The following ATP2B2 variants were observed in gnomAD, a reference collection of about 807,000 sequenced individuals.
ATP2B2 encodes plasma membrane calcium-transporting ATPase 2.
In ATP2B2, 15 loss-of-function variants were observed where a neutral mutation model predicts 120.0. That is an observed-to-expected ratio of 0.12 (90% CI 0.08 to 0.19). ATP2B2 has a LOEUF of 0.19. Ranked by LOEUF, ATP2B2 falls within the 10% of genes least tolerant of loss-of-function variation. ATP2B2 has a pLI of 1.00. For synonymous variants in ATP2B2, 694 were observed against 700.3 expected (o/e 0.99, Z 0.14); for missense variants, 1,045 against 1,719.8 (o/e 0.61, Z 6.94).
chr3:10,657,184 C>T (rs1446693082), intron 1 of ATP2B2, among the ~76,000 whole-genome samples: 1 of 152,178 alleles, frequency 6.6e-6, no homozygotes, highest in African/African-American at 2.4e-5. Flanking sequence ...GGGAAGCAGT[C>T]AGGAGAAATA....
chr3:10,435,109 C>T (rs866211478), intron 2 of ATP2B2, among the ~76,000 whole-genome samples: 19 of 152,192 alleles, frequency 1.2e-4, no homozygotes, highest in African/African-American at 4.1e-4. Context: ...TGGGCGAGTC[C>T]GTCAACCCCT....
intron 2 of ATP2B2, among the ~76,000 whole-genome samples, chr3:10,436,755 G>C (rs17032886): frequency 6.6e-6 from 1 of 152,078 alleles, no homozygotes; most frequent in Admixed American, 6.5e-5. Context: ...TACGACCGAC[G>C]TGCCTTAGTG....
Position 10,596,665 on chromosome 3 carries a change from C to G in ATP2B2, c.-415+23252G>C, listed in dbSNP as rs17033186. Among the ~76,000 whole-genome samples, 956 of 152,344 alleles carry G rather than the reference C, an allele frequency of 6.3e-3. 10 individuals are homozygous for G. Among genetic ancestry groups the G allele is most frequent in the African/African-American group, 0.022 (911 of 41,576 alleles). On this transcript the variant is annotated intron_variant, in intron 2 of 21. Coordinates refer to the ATP2B2 transcript ENST00000646379. ...AAAGTCCCAGACAGGATTGTGAATT[C>G]CTTGGCGTTTGCTCCTCCCTGGCTT...
chr3:10,483,631 C>T (rs923015284), intron 1 of ATP2B2, among the ~76,000 whole-genome samples: 1 of 152,214 alleles, frequency 6.6e-6, no homozygotes, highest in African/African-American at 2.4e-5. Flanking sequence ...ATCTCAGCTG[C>T]TCTGTCCCCT....
intron 11 of ATP2B2, 109 bp from the exon 12 acceptor site, chr3:10,372,160 G>A: frequency 6.8e-6 from 10 of 1,477,420 alleles, no homozygotes; most frequent in Non-Finnish European, 9.4e-6. Context: ...AGCCACCACA[G>A]CCTGCCCCTT....
chr3:10,597,470 TAGG>T (rs1229083375), intron 2 of ATP2B2, among the ~76,000 whole-genome samples: 1 of 152,120 alleles, frequency 6.6e-6, no homozygotes, highest in East Asian at 1.9e-4. Context: ...GCAGGGAAGT[TAGG>T]AGGAGCCCCT....
rs1453645019 is a variant in ATP2B2 at position 10,328,086 on chromosome 3, C to T, written c.*728G>A. On this transcript the variant is annotated 3_prime_UTR_variant, in exon 23 of 23. Transcript: ENST00000360273. ...TTTAAGCGGAAACAAGGCAACATGC[C>T]GGCAAAGAAACTTTATATATCCATG... The T allele has an allele frequency of 1.3e-5, 2 of 150,376 alleles. No homozygotes were observed. The highest frequency in any genetic ancestry group is 1.9e-4 in the East Asian group (1 of 5,160). 9.3% of individuals were successfully genotyped at this position (150,376 alleles called of 1,614,324 possible).
intron 1 of ATP2B2, among the ~76,000 whole-genome samples, chr3:10,450,830 AC>A (rs1463461350): frequency 6.6e-6 from 1 of 151,846 alleles, no homozygotes; most frequent in African/African-American, 2.4e-5. Context: ...AATCCAATCC[AC>A]CCCGACACCC....
intron 2 of ATP2B2, among the ~76,000 whole-genome samples, chr3:10,559,262 G>A (rs913952953): frequency 7.2e-5 from 11 of 152,188 alleles, no homozygotes; most frequent in African/African-American, 2.4e-4. Flanking sequence ...TGTAGTGGGC[G>A]GGGAGGATGG....
At chr3:10,403,146 G>A (rs909419892) in intron 3 of ATP2B2, among the ~76,000 whole-genome samples, 18 of 152,144 alleles carry the variant, frequency 1.2e-4, no homozygotes, top group Admixed American at 6.5e-4. Context: ...TGCAAAATAG[G>A]GATCACTGAG....
chr3:10,589,786 T>A (rs2068598643), intron 2 of ATP2B2, among the ~76,000 whole-genome samples: 1 of 152,146 alleles, frequency 6.6e-6, no homozygotes, highest in Non-Finnish European at 1.5e-5. Flanking sequence ...CAATCCCAAG[T>A]GTGGGTGAGG....
At chr3:10,479,940 C>T (rs546495891) in intron 1 of ATP2B2, among the ~76,000 whole-genome samples, 1 of 152,222 alleles carries the variant, frequency 6.6e-6, no homozygotes, top group South Asian at 2.1e-4. Flanking sequence ...ACAAAAATTA[C>T]AAAAATTAGC....
intron 2 of ATP2B2, among the ~76,000 whole-genome samples, chr3:10,613,893 T>C (rs923381564): frequency 3.3e-5 from 5 of 152,106 alleles, no homozygotes; most frequent in Admixed American, 2.0e-4. Context: ...CTCCCTCCCC[T>C]GTGCTGTCCT....
intron 1 of ATP2B2, among the ~76,000 whole-genome samples, chr3:10,492,739 G>A (rs1031259281): frequency 1.3e-4 from 20 of 152,138 alleles, no homozygotes; most frequent in African/African-American, 3.1e-4. Context: ...GGATCAAGGC[G>A]GGGGTTTCTA....
At chr3:10,437,534 C>T (rs114857326) in intron 2 of ATP2B2, among the ~76,000 whole-genome samples, 1,792 of 152,314 alleles carry the variant, frequency 0.012, 37 homozygotes, top group African/African-American at 0.042. Flanking sequence ...CACTTCTTAA[C>T]GCCCACTGAG....
intron 2 of ATP2B2, among the ~76,000 whole-genome samples, chr3:10,549,838 T>C (rs764652955): frequency 6.6e-6 from 1 of 151,980 alleles, no homozygotes; most frequent in Non-Finnish European, 1.5e-5. Flanking sequence ...CAGCACAGGG[T>C]GGTGAACAAT....
chr3:10,332,669 G>A (rs2060013209), intron 22 of ATP2B2, among the ~76,000 whole-genome samples: 1 of 152,180 alleles, frequency 6.6e-6, no homozygotes, highest in African/African-American at 2.4e-5. Flanking sequence ...TTCAGCCTCT[G>A]TGGCTCCAGG....
chr3:10,528,351 T>A (rs1190930509), intron 3 of ATP2B2, among the ~76,000 whole-genome samples: 1 of 152,102 alleles, frequency 6.6e-6, no homozygotes. Flanking sequence ...CACAGAATCT[T>A]GCTTCCTCCA....
chr3:10,602,009 G>A (rs934927630), intron 2 of ATP2B2, among the ~76,000 whole-genome samples: 1 of 152,196 alleles, frequency 6.6e-6, no homozygotes, highest in Non-Finnish European at 1.5e-5. Context: ...ACAACCTGAG[G>A]CCCAGTGGTG....
Sources: allele counts gnomAD v4.1 joint callset (sites outside exome capture counted in the v4.1 genomes callset), GRCh38; gene constraint gnomAD v4.1.1; transcripts MANE v1.5; gene names NCBI Gene and HGNC (gene_info 2026-07-23, HGNC 2026-07-21).